Variants in SHISA6 observed in about 807,000 individuals in gnomAD.
The protein encoded by SHISA6 is protein shisa-6.
SHISA6 carries 22 observed loss-of-function variants against 47.9 expected under a neutral mutation model. The ratio of observed to expected loss-of-function variants is 0.46; its 90% CI spans 0.33 to 0.66. The LOEUF is 0.66. SHISA6 is among the 30% of genes least tolerant of loss of function. The probability of loss-of-function intolerance (pLI) is 0.02; values close to 1 mark genes in which losing one functional copy is unlikely to be tolerated. For synonymous variants in SHISA6, 388 were observed against 337.8 expected (o/e 1.15, Z -1.63); for missense variants, 680 against 764.6 (o/e 0.89, Z 1.30).
intron 3 of SHISA6, among the ~76,000 whole-genome samples, chr17:11,418,207 T>A (rs953645168): frequency 2.1e-4 from 32 of 152,262 alleles, no homozygotes; most frequent in East Asian, 3.9e-4. Context: ...AGAATTTTTT[T>A]TAAAAAAATC....
Position 11,551,961 on chromosome 17 carries a change from T to C in SHISA6, c.952+9T>C, listed in dbSNP as rs1297288648. ...CCAGATCCCGCCACATGGTGAGAGA[T>C]GATTGAGAGCACTCTGCATTTCCTC... On this transcript the variant is annotated intron_variant, in intron 4 of 5. Coordinates refer to ENST00000441885, the MANE Select transcript of SHISA6 (RefSeq NM_207386.4). 1.3e-6 allele frequency: 2 copies of C among 1,551,556 alleles called. No individual in the cohort carries two copies. The highest frequency in any genetic ancestry group is 1.7e-6 in the Non-Finnish European group (2 of 1,146,876).
chr17:11,498,343 T>C (rs981534067), intron 3 of SHISA6, among the ~76,000 whole-genome samples: 2 of 152,226 alleles, frequency 1.3e-5, no homozygotes, highest in Non-Finnish European at 2.9e-5. Flanking sequence ...ATCATTGGTA[T>C]GAGTATCTGT....
chr17:11,458,873 C>T (rs549642748), intron 3 of SHISA6, among the ~76,000 whole-genome samples: 18 of 152,170 alleles, frequency 1.2e-4, no homozygotes, highest in Middle Eastern at 3.4e-3. Context: ...CTGTTCCCAT[C>T]GTTGGGTAGT....
intron 3 of SHISA6, among the ~76,000 whole-genome samples, chr17:11,519,614 G>A (rs1213714650): frequency 6.6e-6 from 1 of 152,058 alleles, no homozygotes; most frequent in Non-Finnish European, 1.5e-5. Flanking sequence ...CCACTGACCT[G>A]TACATAAAAA....
intron 2 of SHISA6, among the ~76,000 whole-genome samples, chr17:11,274,288 A>T (rs1055186144): frequency 6.6e-6 from 1 of 152,180 alleles, no homozygotes; most frequent in African/African-American, 2.4e-5. Flanking sequence ...GAGCCAGAGG[A>T]TTTAGAATAT....
At chr17:11,461,529 C>A (rs116650200) in intron 3 of SHISA6, among the ~76,000 whole-genome samples, 1 of 151,896 alleles carries the variant, frequency 6.6e-6, no homozygotes, top group African/African-American at 2.4e-5. Flanking sequence ...GGACACAGCA[C>A]ATAGGGCTAC....
rs549642221 is a variant in SHISA6, at chr17:11,358,690, G to A, written c.800-20724G>A. On this transcript the variant is annotated intron_variant, in intron 2 of 5. Coordinates refer to ENST00000441885, the MANE Select transcript of SHISA6 (RefSeq NM_207386.4). ...TCCTTTTTTTTTTTTTAAAGAATACGTCTCACTCTGTTGTCCAGGCTGGAG... is the reference window on the plus strand; with the variant it reads ...TCCTTTTTTTTTTTTTAAAGAATACATCTCACTCTGTTGTCCAGGCTGGAG... Among the ~76,000 whole-genome samples the A allele has an allele frequency of 6.2e-5, 8 of 129,308 alleles. No homozygotes were observed. The East Asian group carries it at 1.1e-3, about 17-fold the overall frequency. The allele number at this position is 129,308 out of a possible 152,430, so 84.8% of individuals were successfully genotyped here. A position where few individuals can be genotyped will look rare whatever the true frequency, so the allele number is the denominator to read the frequency against.
chr17:11,376,325 GT>G (rs11298546), intron 2 of SHISA6, among the ~76,000 whole-genome samples: 115,612 of 130,862 alleles, frequency 0.88, 51,353 homozygotes, highest in Middle Eastern at 0.96. Flanking sequence ...TTTTTTGTTT[GT>G]TTTTTTTTTT....
intron 3 of SHISA6, among the ~76,000 whole-genome samples, chr17:11,441,497 C>T (rs560646998): frequency 3.3e-5 from 5 of 152,276 alleles, no homozygotes; most frequent in South Asian, 4.1e-4. Context: ...ACATATGCTT[C>T]GTGAGAACCC....
At chr17:11,324,755 T>G (rs1216596403) in intron 2 of SHISA6, among the ~76,000 whole-genome samples, 10 of 152,186 alleles carry the variant, frequency 6.6e-5, no homozygotes, top group Non-Finnish European at 1.2e-4. Flanking sequence ...CATCTAGATT[T>G]ACTTTAAAAT....
At chr17:11,446,358 A>G (rs779891592) in intron 3 of SHISA6, among the ~76,000 whole-genome samples, 5 of 152,188 alleles carry the variant, frequency 3.3e-5, no homozygotes, top group African/African-American at 7.2e-5. Context: ...ACCTTCATCT[A>G]TGGTGGAATC....
chr17:11,320,710 GAGC>G (rs1910689707), intron 2 of SHISA6, among the ~76,000 whole-genome samples: 1 of 152,052 alleles, frequency 6.6e-6, no homozygotes, highest in East Asian at 1.9e-4. Flanking sequence ...GGAGGAGGAG[GAGC>G]AGCAGCAGCC....
At chr17:11,409,440 G>A (rs1205307887) in intron 3 of SHISA6, among the ~76,000 whole-genome samples, 8 of 152,316 alleles carry the variant, frequency 5.3e-5, no homozygotes, top group Middle Eastern at 6.8e-3. Flanking sequence ...TGTCGGGCCA[G>A]GAGTGGTGGC....
At chr17:11,246,117 G>C (rs1907576759) in intron 1 of SHISA6, among the ~76,000 whole-genome samples, 1 of 152,122 alleles carries the variant, frequency 6.6e-6, no homozygotes, top group Admixed American at 6.5e-5. Context: ...TTCAAATATA[G>C]AAGGAAAGAA....
At chr17:11,420,792 G>A (rs1300049984) in intron 3 of SHISA6, among the ~76,000 whole-genome samples, 1 of 152,140 alleles carries the variant, frequency 6.6e-6, no homozygotes, top group Non-Finnish European at 1.5e-5. Context: ...CAAAGTCCCC[G>A]GGGGAACCAG....
At chr17:11,311,298 A>AAAAAAAAAC (rs1555527561) in intron 2 of SHISA6, among the ~76,000 whole-genome samples, 1 of 133,238 alleles carries the variant, frequency 7.5e-6, no homozygotes, top group Non-Finnish European at 1.6e-5. Flanking sequence ...AAAAAAAAAA[A>AAAAAAAAAC]AACCGACAAA....
At chr17:11,384,255 G>T (rs111604698) in intron 3 of SHISA6, among the ~76,000 whole-genome samples, 4 of 152,234 alleles carry the variant, frequency 2.6e-5, no homozygotes, top group Non-Finnish European at 5.9e-5. Context: ...AGCAGCTGAG[G>T]TGGTGGATGG....
At chr17:11,489,297 T>C (rs1454039548) in intron 3 of SHISA6, among the ~76,000 whole-genome samples, 1 of 152,020 alleles carries the variant, frequency 6.6e-6, no homozygotes, top group African/African-American at 2.4e-5. Flanking sequence ...CCATCCTGAC[T>C]GCTGGGTCCC....
intron 2 of SHISA6, among the ~76,000 whole-genome samples, chr17:11,307,264 G>A (rs1253757472): frequency 1.3e-5 from 2 of 151,630 alleles, no homozygotes; most frequent in Non-Finnish European, 2.9e-5. Context: ...TCCAAATGCA[G>A]TGGCTCTATT....
Sources: allele counts gnomAD v4.1 joint callset (sites outside exome capture counted in the v4.1 genomes callset), GRCh38; gene constraint gnomAD v4.1.1; transcripts MANE v1.5; gene names NCBI Gene and HGNC (gene_info 2026-07-23, HGNC 2026-07-21).